The following GLP2R variants were observed in gnomAD, a reference collection of about 807,000 sequenced individuals.
GLP2R encodes glucagon-like peptide 2 receptor.
GLP2R carries 59 observed loss-of-function variants against 68.2 expected under a neutral mutation model. That is an observed-to-expected ratio of 0.87 (90% CI 0.70 to 1.07). The LOEUF is 1.07. GLP2R is among the 50% of genes least tolerant of loss of function. The probability of loss-of-function intolerance (pLI) is 0.00; values close to 1 mark genes in which losing one functional copy is unlikely to be tolerated. For synonymous variants in GLP2R, 270 were observed against 265.4 expected, an observed-to-expected ratio of 1.02 and a Z score of -0.17; for missense variants, 548 against 677.4, an observed-to-expected ratio of 0.81 and a Z score of 2.12.
intron 5 of GLP2R, among the ~76,000 whole-genome samples, chr17:9,857,220 G>A (rs547169470): frequency 2.4e-4 from 36 of 152,268 alleles, no homozygotes; most frequent in Non-Finnish European, 3.7e-4. Flanking sequence ...CGCCTGGCCG[G>A]TGATAACTAT....
At chr17:9,877,876 CAAAAA>C (rs11329707) in intron 10 of GLP2R, among the ~76,000 whole-genome samples, 2 of 100,694 alleles carry the variant, frequency 2.0e-5, no homozygotes, top group Non-Finnish European at 3.8e-5. Flanking sequence ...GACTCCGTCT[CAAAAA>C]AAAAAAAAAA....
chr17:9,857,317 A>G (rs2066942850), intron 5 of GLP2R, 106 bp from the exon 6 acceptor site: 10 of 965,856 alleles, frequency 1.0e-5, no homozygotes, highest in Middle Eastern at 2.3e-4. Context: ...AGCCTATACT[A>G]TGACCCTCTG....
chr17:9,847,583 A>T (rs1319004822), intron 4 of GLP2R, among the ~76,000 whole-genome samples: 1 of 152,072 alleles, frequency 6.6e-6, no homozygotes, highest in Non-Finnish European at 1.5e-5. Context: ...TTAATTTTTA[A>T]GAATGCTCAT....
rs1318843345 is a variant in GLP2R at position 9,854,726 on chromosome 17, A to C, written c.611+125A>C. On this transcript the variant is annotated intron_variant, in intron 5 of 12. Transcript: ENST00000262441. ...AGGGGTAGAACGAAACATAGTGTTC[A>C]AACCAGGGATAGAACCAACCCTATG... The C allele has an allele frequency of 4.3e-6, 3 of 698,956 alleles. No homozygotes were observed. The East Asian group carries it at 7.7e-5, about 18-fold the overall frequency. The allele number at this position is 698,956 out of a possible 1,614,324, so 43.3% of individuals were successfully genotyped here. A position where few individuals can be genotyped will look rare whatever the true frequency, so the allele number is the denominator to read the frequency against.
chr17:9,879,893 CTACT>C (rs1380783059), intron 10 of GLP2R, among the ~76,000 whole-genome samples: 25 of 152,166 alleles, frequency 1.6e-4, no homozygotes, highest in African/African-American at 3.6e-4. Context: ...CCGAGGTTTA[CTACT>C]TAGTGTCTGT....
In GLP2R at chr17:9,859,589, G is replaced by A. The variant is rs545702581; in HGVS notation, c.766-353G>A. Among the ~76,000 whole-genome samples the A allele has an allele frequency of 6.0e-5, 9 of 151,108 alleles. No homozygotes were observed. In the East Asian group the frequency reaches 1.2e-3, roughly 20 times the overall value. ...GGGTGGATCACGAGGTCAGGAGATC[G>A]AGACCATCCTGGCCAACATGGTGAA... is the stretch of plus-strand genomic sequence containing the variant. On this transcript the variant is annotated intron_variant, in intron 6 of 12. Transcript: ENST00000262441.
chr17:9,866,677 G>C (rs2067041168), intron 9 of GLP2R: 1 of 152,152 alleles, frequency 6.6e-6, no homozygotes, highest in Non-Finnish European at 1.5e-5. Flanking sequence ...ACCTTCACTG[G>C]GCTTGGCTTG....
At chr17:9,868,113 G>C (rs191314325) in intron 9 of GLP2R, among the ~76,000 whole-genome samples, 3 of 152,282 alleles carry the variant, frequency 2.0e-5, no homozygotes, top group Non-Finnish European at 4.4e-5. Flanking sequence ...AGTCTTCATT[G>C]TTGCAAAAAT....
intron 9 of GLP2R, among the ~76,000 whole-genome samples, chr17:9,863,251 C>T (rs2067003471): frequency 6.6e-6 from 1 of 152,220 alleles, no homozygotes; most frequent in Non-Finnish European, 1.5e-5. Context: ...TGGACAATTC[C>T]ACCAACGTCC....
At chr17:9,834,989 A>G (rs2066713573) in intron 2 of GLP2R, among the ~76,000 whole-genome samples, 1 of 148,148 alleles carries the variant, frequency 6.8e-6, no homozygotes, top group Non-Finnish European at 1.5e-5. Context: ...ACCTAGCACC[A>G]TGGTGTTTCT....
intron 4 of GLP2R, among the ~76,000 whole-genome samples, chr17:9,852,025 A>T (rs1050857865): frequency 4.0e-5 from 6 of 151,548 alleles, no homozygotes; most frequent in African/African-American, 1.2e-4. Flanking sequence ...CAAAGCAGTC[A>T]TGGAGAGAAA....
Position 9,842,475 on chromosome 17 carries a change from A to T in GLP2R, c.383-20A>T. On this transcript the variant is annotated intron_variant, in intron 3 of 12. Coordinates refer to ENST00000262441, the MANE Select transcript of GLP2R (RefSeq NM_004246.3). Reference sequence around the variant, plus strand: ...GGCTGTGTGTTCTGACCTTTCCTCCAGAGCTTTGTTTACTTTCAGAGAGCT... The same window carrying T: ...GGCTGTGTGTTCTGACCTTTCCTCCTGAGCTTTGTTTACTTTCAGAGAGCT... 1 of 1,613,998 alleles carries T rather than the reference A, an allele frequency of 6.2e-7. No homozygotes were observed. Among genetic ancestry groups the T allele is most frequent in the Non-Finnish European group, 8.5e-7 (1 of 1,179,954 alleles).
chr17:9,866,694 G>A (rs1244142051), intron 9 of GLP2R: 1 of 152,186 alleles, frequency 6.6e-6, no homozygotes. Context: ...CTTGGTGCTA[G>A]GTTATTTCAG....
intron 3 of GLP2R, among the ~76,000 whole-genome samples, chr17:9,838,097 G>C (rs2066750421): frequency 6.6e-6 from 1 of 152,148 alleles, no homozygotes. Flanking sequence ...TTTAGGGAGG[G>C]TGGAAGAGAT....
intron 8 of GLP2R, 64 bp from the exon 9 acceptor site, chr17:9,861,957 C>T: frequency 9.1e-7 from 1 of 1,104,296 alleles, no homozygotes; most frequent in Admixed American, 1.7e-5. Flanking sequence ...GAGCATGAGG[C>T]TTTGACTTTC....
chr17:9,828,414 A>G (rs556754108), intron 1 of GLP2R, among the ~76,000 whole-genome samples: 5 of 152,322 alleles, frequency 3.3e-5, no homozygotes, highest in African/African-American at 1.2e-4. Flanking sequence ...TCTCATATCA[A>G]CACTGAGTGA....
At position 9,836,437 on chromosome 17, in the gene GLP2R, C is replaced by G; in HGVS notation, c.344C>G (p.Ser115Cys). 1 of 1,611,278 alleles carries G rather than the reference C, an allele frequency of 6.2e-7. No homozygotes were observed. The highest frequency in any genetic ancestry group is 8.5e-7 in the Non-Finnish European group (1 of 1,177,318). The change falls in exon 3 of 13, where the codon TCT becomes TGT. Residue 115 changes from serine (S) to cysteine (C), a missense_variant. Transcript: ENST00000262441. The stretch of plus-strand genomic sequence containing the variant: ...CCTCATTCTTCTCCTGGAAATGTCT[C>G]TGTACCCTGCCCTTCATACTTACCT... ...CWPHSSPGNVSVPCPSYLPWW... is the reference protein window; with the variant it reads ...CWPHSSPGNVCVPCPSYLPWW...
intron 5 of GLP2R, among the ~76,000 whole-genome samples, chr17:9,857,212 C>T (rs2066941884): frequency 6.6e-6 from 1 of 152,198 alleles, no homozygotes; most frequent in African/African-American, 2.4e-5. Flanking sequence ...AGCCACCGCG[C>T]CTGGCCGGTG....
chr17:9,833,753 C>G, intron 1 of GLP2R, 54 bp from the exon 2 acceptor site: 1 of 1,085,420 alleles, frequency 9.2e-7, no homozygotes, highest in Non-Finnish European at 1.4e-6. Context: ...GAAGTGACAA[C>G]AAGGCCACAT....
Sources: gnomAD v4.1 joint callset for allele counts (sites outside exome capture counted in the v4.1 genomes callset) on GRCh38, gnomAD v4.1.1 for gene constraint, MANE v1.5 for transcripts, NCBI Gene and HGNC (gene_info 2026-07-23, HGNC 2026-07-21) for gene names.